The following DOK5 variants were observed in gnomAD, a reference collection of about 807,000 sequenced individuals.
DOK5 encodes downstream of tyrosine kinase 5.
A neutral mutation model predicts 43.3 loss-of-function variants in DOK5; 27 were observed. The observed-to-expected ratio is 0.62, with a 90% CI of 0.46 to 0.86. DOK5 has a LOEUF of 0.86. Ranked by LOEUF, DOK5 falls within the 40% of genes least tolerant of loss-of-function variation. The pLI is 0.00. For missense variants in DOK5, 373 were observed against 392.9 expected (o/e 0.95, Z 0.43); for synonymous variants, 146 against 140.1 (o/e 1.04, Z -0.30).
intron 6 of DOK5, among the ~76,000 whole-genome samples, chr20:54,636,690 CTAA>C (rs1978837031): frequency 6.6e-6 from 1 of 152,190 alleles, no homozygotes; most frequent in South Asian, 2.1e-4. Flanking sequence ...ATTGATTTGA[CTAA>C]TAACTCCATT....
At chr20:54,583,126 A>T (rs915891569) in intron 2 of DOK5, among the ~76,000 whole-genome samples, 1 of 151,558 alleles carries the variant, frequency 6.6e-6, no homozygotes, top group Non-Finnish European at 1.5e-5. Context: ...TCTTTGATCT[A>T]TTGGTTGTTT....
At chr20:54,482,757 A>G (rs553532004) in intron 1 of DOK5, among the ~76,000 whole-genome samples, 1 of 152,282 alleles carries the variant, frequency 6.6e-6, no homozygotes, top group African/African-American at 2.4e-5. Flanking sequence ...TCAGCCTCCC[A>G]AAGTGCTGGG....
At chr20:54,634,704 G>A (rs926728509) in intron 6 of DOK5, among the ~76,000 whole-genome samples, 3 of 151,364 alleles carry the variant, frequency 2.0e-5, no homozygotes, top group African/African-American at 7.3e-5. Context: ...GCCTCCCAAA[G>A]TGCCGGGATT....
chr20:54,576,910 A>G (rs2146754066), intron 2 of DOK5, among the ~76,000 whole-genome samples: 1 of 152,360 alleles, frequency 6.6e-6, no homozygotes, highest in South Asian at 2.1e-4. Flanking sequence ...CAAGTGGTGT[A>G]CTTTTAAAGA....
At chr20:54,491,129 A>G (rs1037541067) in intron 1 of DOK5, among the ~76,000 whole-genome samples, 2 of 152,168 alleles carry the variant, frequency 1.3e-5, no homozygotes, top group Non-Finnish European at 2.9e-5. Context: ...TTGCATGCAG[A>G]ATCATGCCTC....
chr20:54,571,955 G>T (rs555995118), intron 2 of DOK5, among the ~76,000 whole-genome samples: 2 of 152,130 alleles, frequency 1.3e-5, no homozygotes, highest in South Asian at 4.1e-4. Flanking sequence ...GCTCATCTTT[G>T]TTTTCTTTGC....
In DOK5 at chr20:54,511,902, C is replaced by T. The variant is rs74630870; in HGVS notation, c.66+35890C>T. Among the ~76,000 whole-genome samples, 1,326 of 152,224 alleles carry T rather than the reference C, an allele frequency of 8.7e-3. 23 individuals are homozygous for T. Among genetic ancestry groups the T allele is most frequent in the African/African-American group, 0.031 (1,267 of 41,528 alleles). ...TTTGAAGAAGCATTTTTAAGCCTGG[C>T]CTTCATTGGCCAAAATTAGGTCCCA... On this transcript the variant is annotated intron_variant, in intron 1 of 7. Coordinates refer to ENST00000262593, the MANE Select transcript of DOK5 (RefSeq NM_018431.5).
intron 6 of DOK5, among the ~76,000 whole-genome samples, chr20:54,626,830 T>C (rs1978328771): frequency 6.6e-6 from 1 of 152,240 alleles, no homozygotes; most frequent in African/African-American, 2.4e-5. Context: ...TGTAGTACAG[T>C]TGTAATTCAG....
At chr20:54,487,880 A>G (rs183064455) in intron 1 of DOK5, among the ~76,000 whole-genome samples, 1 of 152,328 alleles carries the variant, frequency 6.6e-6, no homozygotes, top group East Asian at 1.9e-4. Context: ...AGAAAGAGAA[A>G]CTAGCAAGTC....
chr20:54,576,023 C>T (rs191488966), intron 2 of DOK5, among the ~76,000 whole-genome samples: 1 of 151,732 alleles, frequency 6.6e-6, no homozygotes, highest in East Asian at 1.9e-4. Context: ...CACAGAGTTC[C>T]TGGAGAAACG....
rs779157197 is a variant in DOK5 at position 54,588,715 on chromosome 20, A to G, written c.318A>G (p.Val106=). 2.5e-6 allele frequency: 4 copies of G among 1,614,060 alleles called. No individual in the cohort carries two copies. Among genetic ancestry groups the G allele is most frequent in the Non-Finnish European group, 3.4e-6 (4 of 1,179,982 alleles). Reference sequence around the variant, plus strand: ...TTGAGGCTGATGAGTGGTGCAAAGTACTCCAGATGGAGTGTGTAGGAACAC... The same window carrying G: ...TTGAGGCTGATGAGTGGTGCAAAGTGCTCCAGATGGAGTGTGTAGGAACAC... ...SDLEADEWCK[V]LQMECVGTRI... is the part of the protein sequence containing the mutation. Residue 106 remains valine (V), a synonymous_variant, in exon 4 of 8, where the codon GTA becomes GTG. Coordinates refer to ENST00000262593, the MANE Select transcript of DOK5 (RefSeq NM_018431.5).
At chr20:54,585,222 C>T (rs1045200007) in intron 2 of DOK5, among the ~76,000 whole-genome samples, 27 of 151,756 alleles carry the variant, frequency 1.8e-4, no homozygotes, top group African/African-American at 5.8e-4. Flanking sequence ...AGACAGAGAC[C>T]GTTGCTTTAA....
At chr20:54,560,327 A>G (rs1194220938) in intron 2 of DOK5, among the ~76,000 whole-genome samples, 2 of 152,092 alleles carry the variant, frequency 1.3e-5, no homozygotes, top group Non-Finnish European at 2.9e-5. Context: ...CCACCATGCC[A>G]TATTCTAGAA....
intron 5 of DOK5, among the ~76,000 whole-genome samples, chr20:54,609,692 A>G (rs2146792146): frequency 6.6e-6 from 1 of 152,114 alleles, no homozygotes; most frequent in East Asian, 1.9e-4. Context: ...AATGAAATTT[A>G]TTTCTCTTTG....
At chr20:54,566,523 C>A (rs1347044254) in intron 2 of DOK5, among the ~76,000 whole-genome samples, 2 of 152,190 alleles carry the variant, frequency 1.3e-5, no homozygotes, top group Non-Finnish European at 2.9e-5. Flanking sequence ...AGGGACTCTA[C>A]CATTTTACAG....
intron 2 of DOK5, among the ~76,000 whole-genome samples, chr20:54,559,614 G>A (rs976456956): frequency 6.6e-6 from 1 of 152,178 alleles, no homozygotes; most frequent in Non-Finnish European, 1.5e-5. Context: ...ATAACCCACT[G>A]CAGCCCCTCA....
intron 1 of DOK5, among the ~76,000 whole-genome samples, chr20:54,487,547 G>T (rs1281296855): frequency 6.6e-6 from 1 of 152,150 alleles, no homozygotes; most frequent in Non-Finnish European, 1.5e-5. Flanking sequence ...GTACACAGAC[G>T]CAGTGCAAAT....
chr20:54,642,545 A>T (rs1282143361), intron 6 of DOK5, among the ~76,000 whole-genome samples: 3 of 117,090 alleles, frequency 2.6e-5, no homozygotes, highest in Admixed American at 8.4e-5. Flanking sequence ...CTCTACTAAA[A>T]ATACAAAAAA....
intron 1 of DOK5, among the ~76,000 whole-genome samples, chr20:54,538,911 T>C (rs1347344588): frequency 2.0e-5 from 3 of 152,124 alleles, no homozygotes; most frequent in Admixed American, 2.0e-4. Flanking sequence ...TTATGCTAAA[T>C]GAAAAAAGCC....
Sources: gnomAD v4.1 joint callset for allele counts (sites outside exome capture counted in the v4.1 genomes callset) on GRCh38, gnomAD v4.1.1 for gene constraint, MANE v1.5 for transcripts, NCBI Gene and HGNC (gene_info 2026-07-23, HGNC 2026-07-21) for gene names.